VAV3: variants seen among roughly 807,000 people sequenced by gnomAD.
VAV3 encodes vav guanine nucleotide exchange factor 3, also known as guanine nucleotide exchange factor VAV3.
VAV3 carries 94 observed loss-of-function variants against 131.2 expected under a neutral mutation model. The observed-to-expected ratio is 0.72, with a 90% confidence interval of 0.61 to 0.85. The LOEUF (loss-of-function observed/expected upper bound fraction) is 0.85, where lower values mean the gene tolerates loss of function less well. Ranked by LOEUF, VAV3 falls within the 40% of genes least tolerant of loss-of-function variation. The pLI, the probability that VAV3 is intolerant of heterozygous loss-of-function variation, is 0.00. For missense variants in VAV3, 939 were observed against 1,002.7 expected, an observed-to-expected ratio of 0.94 and a Z score of 0.86; for synonymous variants, 349 against 342.0, an observed-to-expected ratio of 1.02 and a Z score of -0.22.
intron 1 of VAV3, among the ~76,000 whole-genome samples, chr1:107,952,451 G>A (rs1170665617): frequency 9.0e-6 from 1 of 110,578 alleles, no homozygotes; most frequent in African/African-American, 3.8e-5. Context: ...CATGTGCCCC[G>A]AACTTATAAC....
chr1:107,746,280 A>G (rs1433175771), intron 15 of VAV3, among the ~76,000 whole-genome samples: 1 of 152,216 alleles, frequency 6.6e-6, no homozygotes, highest in Non-Finnish European at 1.5e-5. Context: ...TTAACCATAT[A>G]TAATATAACC....
chr1:107,913,777 T>G (rs1384026864), intron 1 of VAV3, among the ~76,000 whole-genome samples: 1 of 152,126 alleles, frequency 6.6e-6, no homozygotes, highest in East Asian at 1.9e-4. Flanking sequence ...AATTTACAAC[T>G]TCACAAATTA....
At chr1:107,850,343 T>C (rs12061619) in intron 2 of VAV3, among the ~76,000 whole-genome samples, 6,275 of 152,140 alleles carry the variant, frequency 0.041, 179 homozygotes, top group African/African-American at 0.077. Flanking sequence ...AATGATAGAC[T>C]GGATAAAGAA....
At chr1:107,781,302 A>C (rs1570944416) in intron 2 of VAV3, among the ~76,000 whole-genome samples, 1 of 152,362 alleles carries the variant, frequency 6.6e-6, no homozygotes, top group East Asian at 1.9e-4. Flanking sequence ...ATGTAAAATA[A>C]AGTTATTATA....
At chr1:107,704,820 TG>T in intron 16 of VAV3, 139 bp downstream of exon 16, 1 of 1,047,432 alleles carries the variant, frequency 9.5e-7, no homozygotes, top group Non-Finnish European at 1.4e-6. Context: ...GCAGAAAGCC[TG>T]GCAAAGGTTT....
At chr1:107,831,350 G>T (rs892160558) in intron 2 of VAV3, among the ~76,000 whole-genome samples, 1 of 152,030 alleles carries the variant, frequency 6.6e-6, no homozygotes, top group Non-Finnish European at 1.5e-5. Flanking sequence ...AACTGTTTTC[G>T]TGTCATTTCA....
intron 17 of VAV3, among the ~76,000 whole-genome samples, chr1:107,694,008 T>G (rs1238741400): frequency 6.6e-6 from 1 of 152,152 alleles, no homozygotes; most frequent in African/African-American, 2.4e-5. Flanking sequence ...AAGATCAAAC[T>G]GATCTGGGTT....
intron 2 of VAV3, among the ~76,000 whole-genome samples, chr1:107,831,551 G>A (rs1213918263): frequency 2.6e-5 from 4 of 151,998 alleles, no homozygotes; most frequent in African/African-American, 7.3e-5. Flanking sequence ...TTCATCTCAA[G>A]CTTTACTTCA....
chr1:107,765,164 T>C lies in VAV3; in HGVS notation c.833A>G (p.Tyr278Cys). 1 of 1,612,420 alleles carries C rather than the reference T, an allele frequency of 6.2e-7. No individual in the cohort carries two copies. Among genetic ancestry groups the C allele is most frequent in the Non-Finnish European group, 8.5e-7 (1 of 1,178,924 alleles). Residue 278 changes from tyrosine (Y) to cysteine (C), a missense_variant, in exon 9 of 27, where the codon TAC becomes TGC. By Grantham distance (194) the Tyr-to-Cys change is radical. Coordinates refer to ENST00000370056, the MANE Select transcript of VAV3 (RefSeq NM_006113.5). ...FINYKERLVIYGQYCSGVESA... is the reference protein window; with the variant it reads ...FINYKERLVICGQYCSGVESA... ...CTCCACTCCACTGCAGTACTGCCCG[T>C]AAATAACCAATCTGAAAGGGAAAAA...
At chr1:107,676,568 A>C (rs1386623801) in intron 19 of VAV3, among the ~76,000 whole-genome samples, 1 of 152,166 alleles carries the variant, frequency 6.6e-6, no homozygotes, top group Non-Finnish European at 1.5e-5. Flanking sequence ...TGAAGCCAAA[A>C]TGCTTTGGAA....
intron 25 of VAV3, among the ~76,000 whole-genome samples, chr1:107,588,784 T>C (rs895787054): frequency 1.1e-4 from 17 of 152,214 alleles, no homozygotes; most frequent in Non-Finnish European, 1.8e-4. Flanking sequence ...ATCTGATATT[T>C]GTAAAAGGGG....
chr1:107,891,263 T>C (rs543713700), intron 1 of VAV3, among the ~76,000 whole-genome samples: 1 of 152,344 alleles, frequency 6.6e-6, no homozygotes, highest in Non-Finnish European at 1.5e-5. Context: ...AAGCCTTGCA[T>C]GGCAACTCCA....
chr1:107,758,063 T>A (rs1664214647), intron 10 of VAV3, among the ~76,000 whole-genome samples: 1 of 152,190 alleles, frequency 6.6e-6, no homozygotes, highest in African/African-American at 2.4e-5. Flanking sequence ...TAATCAATCT[T>A]CACCCAGAAT....
At chr1:107,669,162 T>C (rs1657608061) in intron 19 of VAV3, 32 of 1,074,122 alleles carry the variant, frequency 3.0e-5, no homozygotes, top group Admixed American at 5.0e-5. Context: ...TATTTCACCT[T>C]ACAAAAACCT....
In VAV3 at chr1:107,658,695, G is replaced by A. The variant is rs1468077036; in HGVS notation, c.1778-15940C>T. Among the ~76,000 whole-genome samples the A allele has an allele frequency of 5.9e-5, 9 of 152,180 alleles. No homozygotes were observed. The South Asian group carries it at 1.9e-3, about 32-fold the overall frequency. On this transcript the variant is annotated intron_variant, in intron 19 of 26. Transcript: ENST00000370056. ...GGTTTTGATTTGTATTTCTCTGATG[G>A]CCAGTGATGATGAGCATTTTTTCAT... is the stretch of plus-strand genomic sequence containing the variant.
chr1:107,861,378 A>G (rs1446285190), intron 2 of VAV3, among the ~76,000 whole-genome samples: 3 of 151,602 alleles, frequency 2.0e-5, no homozygotes, highest in Non-Finnish European at 2.9e-5. Flanking sequence ...CTATCTCCCC[A>G]AGAAACTGTA....
rs867517893 is a variant in VAV3, at chr1:107,741,601, T to A, written c.1502+7367A>T. On this transcript the variant is annotated intron_variant, in intron 15 of 26. Coordinates refer to ENST00000370056, the MANE Select transcript of VAV3 (RefSeq NM_006113.5). Reference sequence around the variant, plus strand: ...TTTCAGGTGGAAAATGGAAAAGGCATAGATCCTTTCTCCTGGGTCTGACAG... The same window carrying A: ...TTTCAGGTGGAAAATGGAAAAGGCAAAGATCCTTTCTCCTGGGTCTGACAG... 2.6e-5 allele frequency among the ~76,000 whole-genome samples: 4 copies of A among 152,242 alleles called. No homozygotes were observed. In the South Asian group the frequency reaches 6.2e-4, roughly 24 times the overall value.
At chr1:107,607,351 T>C (rs1336122902) in intron 22 of VAV3, among the ~76,000 whole-genome samples, 2 of 152,114 alleles carry the variant, frequency 1.3e-5, no homozygotes, top group African/African-American at 4.8e-5. Flanking sequence ...TGGCCAAAAA[T>C]CTTCCAAATT....
intron 15 of VAV3, among the ~76,000 whole-genome samples, chr1:107,731,669 C>G (rs559051329): frequency 2.0e-5 from 3 of 152,170 alleles, no homozygotes; most frequent in South Asian, 4.2e-4. Flanking sequence ...GAAAGCTAAC[C>G]AAAGATAAAA....
Sources: gnomAD v4.1 joint callset for allele counts (sites outside exome capture counted in the v4.1 genomes callset) on GRCh38, gnomAD v4.1.1 for gene constraint, MANE v1.5 for transcripts, NCBI Gene and HGNC (gene_info 2026-07-23, HGNC 2026-07-21) for gene names.